Variants in IGBP1C observed in about 807,000 individuals in gnomAD.
IGBP1C encodes the protein IGBP1 family member C.
At chr17:58,661,670 T>G in the IGBP1C span, 1 of 617,694 alleles carries the variant, frequency 1.6e-6, no homozygotes, top group Admixed American at 2.9e-5. Flanking sequence ...GGCGTAGATT[T>G]CTAACAACCA....
the IGBP1C span, among the ~76,000 whole-genome samples, chr17:58,685,435 C>CAAA: frequency 1.3e-5 from 1 of 78,658 alleles, no homozygotes; most frequent in African/African-American, 4.7e-5. Flanking sequence ...GACTCGGTGT[C>CAAA]AAAAAAAAAA....
the IGBP1C span, among the ~76,000 whole-genome samples, chr17:58,667,891 T>TA: frequency 9.5e-3 from 979 of 102,732 alleles, 6 homozygotes; most frequent in African/African-American, 0.017. Flanking sequence ...AGACTCTGGC[T>TA]AAAAAAAAAA....
chr17:58,672,932 A>G, the IGBP1C span, among the ~76,000 whole-genome samples: 355 of 151,980 alleles, frequency 2.3e-3, 1 homozygote, highest in Admixed American at 5.4e-3. Context: ...GGGTTTCTCC[A>G]TGTTGGCCAG....
At chr17:58,660,476 C>T in the IGBP1C span, 3 of 606,416 alleles carry the variant, frequency 4.9e-6, no homozygotes, top group South Asian at 2.5e-5. Flanking sequence ...TCTTTGCCTT[C>T]GTTTTACACA....
chr17:58,677,418 A>G, the IGBP1C span, among the ~76,000 whole-genome samples: 1 of 152,216 alleles, frequency 6.6e-6, no homozygotes. Flanking sequence ...AAGAAAAAAC[A>G]CCAAGGAAGC....
chr17:58,663,420 C>T, the IGBP1C span, among the ~76,000 whole-genome samples: 1 of 127,630 alleles, frequency 7.8e-6, no homozygotes, highest in Admixed American at 7.9e-5. Flanking sequence ...AAAACTCCGT[C>T]TCAAAAAAAA....
At chr17:58,671,641 T>C in the IGBP1C span, among the ~76,000 whole-genome samples, 2 of 152,280 alleles carry the variant, frequency 1.3e-5, no homozygotes, top group Admixed American at 6.5e-5. Flanking sequence ...CCTTAGGAAA[T>C]AGACAGGGTC....
chr17:58,670,295 A>G, the IGBP1C span, among the ~76,000 whole-genome samples: 1 of 152,184 alleles, frequency 6.6e-6, no homozygotes, highest in Non-Finnish European at 1.5e-5. Flanking sequence ...TCAGGCTAGC[A>G]AAGTACCTGG....
the IGBP1C span, among the ~76,000 whole-genome samples, chr17:58,673,075 A>C: frequency 6.6e-6 from 1 of 151,900 alleles, no homozygotes; most frequent in African/African-American, 2.4e-5. Flanking sequence ...AATTTCTTAC[A>C]ATTGAGTGGT....
the IGBP1C span, among the ~76,000 whole-genome samples, chr17:58,678,856 A>AATAATAAT: frequency 4.4e-5 from 3 of 68,178 alleles, no homozygotes; most frequent in African/African-American, 1.2e-4. Context: ...ATAATAATAA[A>AATAATAAT]AGAGAAGGAC....
At chr17:58,689,543 T>G in the IGBP1C span, among the ~76,000 whole-genome samples, 2 of 152,140 alleles carry the variant, frequency 1.3e-5, no homozygotes, top group African/African-American at 4.8e-5. Flanking sequence ...TTAAAGTTTA[T>G]TTTCTTTTTC....
chr17:58,687,416 C>A, the IGBP1C span, among the ~76,000 whole-genome samples: 1 of 152,140 alleles, frequency 6.6e-6, no homozygotes, highest in South Asian at 2.1e-4. Context: ...CATTTGCCCT[C>A]CTTTGTTCAG....
At chr17:58,670,771 T>TCAAAAAAA in the IGBP1C span, among the ~76,000 whole-genome samples, 14 of 7,954 alleles carry the variant, frequency 1.8e-3, 7 homozygotes, top group Non-Finnish European at 1.8e-3. Flanking sequence ...AGACTCCCTC[T>TCAAAAAAA]TAAAAAAAAA....
the IGBP1C span, among the ~76,000 whole-genome samples, chr17:58,673,676 C>G: frequency 6.6e-6 from 1 of 152,000 alleles, no homozygotes; most frequent in Admixed American, 6.6e-5. Flanking sequence ...ATCCTCCCAC[C>G]TCACCCTCCC....
At chr17:58,683,052 C>CAAAAAAAAAAAA in the IGBP1C span, among the ~76,000 whole-genome samples, 15 of 54,034 alleles carry the variant, frequency 2.8e-4, no homozygotes, top group African/African-American at 1.0e-3. Flanking sequence ...GAGTCTGTCT[C>CAAAAAAAAAAAA]AAAAAAAAAA....
chr17:58,688,757 A>AT, the IGBP1C span, among the ~76,000 whole-genome samples: 1 of 151,982 alleles, frequency 6.6e-6, no homozygotes, highest in African/African-American at 2.4e-5. Context: ...TGTCTCTCAA[A>AT]TTTTTTCATG....
chr17:58,677,119 C>CAA, the IGBP1C span, among the ~76,000 whole-genome samples: 91 of 78,556 alleles, frequency 1.2e-3, no homozygotes, highest in Non-Finnish European at 1.3e-3. Flanking sequence ...AACTCCGTCT[C>CAA]AAAAAAAAAA....
the IGBP1C span, among the ~76,000 whole-genome samples, chr17:58,669,379 G>T: frequency 3.7e-4 from 56 of 151,572 alleles, 1 homozygote; most frequent in East Asian, 0.01. Flanking sequence ...AAAACAGGAG[G>T]GGGTGTGGAG....
chr17:58,679,326 C>A, the IGBP1C span, among the ~76,000 whole-genome samples: 1 of 152,162 alleles, frequency 6.6e-6, no homozygotes, highest in South Asian at 2.1e-4. Flanking sequence ...CTGCGTACTT[C>A]TGATTGTAAT....
Sources: allele counts gnomAD v4.1 joint callset (sites outside exome capture counted in the v4.1 genomes callset), GRCh38; gene constraint gnomAD v4.1.1; transcripts MANE v1.5; gene names NCBI Gene and HGNC (gene_info 2026-07-23, HGNC 2026-07-21).